ZNF292: variants seen among roughly 807,000 people sequenced by gnomAD.
ZNF292 encodes 16 zinc-finger domain protein.
Under a neutral mutation model 217.9 loss-of-function variants are expected in ZNF292, and 26 were observed. The observed-to-expected ratio is 0.12, with a 90% CI of 0.09 to 0.17. ZNF292 has a LOEUF of 0.17. ZNF292 is among the 10% of genes least tolerant of loss of function. The probability of loss-of-function intolerance (pLI) is 1.00; values close to 1 mark genes in which losing one functional copy is unlikely to be tolerated. For missense variants in ZNF292, 2,904 were observed against 3,175.2 expected (o/e 0.91, Z 2.05); for synonymous variants, 1,257 against 1,124.1 (o/e 1.12, Z -2.37).
intron 5 of ZNF292, among the ~76,000 whole-genome samples, chr6:87,240,493 G>C (rs1186168275): frequency 6.6e-6 from 1 of 152,150 alleles, no homozygotes; most frequent in African/African-American, 2.4e-5. Flanking sequence ...CACCATCTCA[G>C]CTCGCTGCAA....
At chr6:87,250,023 TA>T (rs60486090) in intron 7 of ZNF292, among the ~76,000 whole-genome samples, 36 of 99,228 alleles carry the variant, frequency 3.6e-4, no homozygotes, top group Middle Eastern at 0.011. Context: ...TGGTAACCCT[TA>T]AAAAAAAAAA....
chr6:87,196,936 AT>A (rs1771967476), intron 1 of ZNF292, among the ~76,000 whole-genome samples: 3 of 152,246 alleles, frequency 2.0e-5, no homozygotes, highest in Non-Finnish European at 4.4e-5. Context: ...CCAGAAAATT[AT>A]TTCTAAAACT....
chr6:87,240,647 C>G (rs1774230455), intron 5 of ZNF292, among the ~76,000 whole-genome samples: 1 of 152,188 alleles, frequency 6.6e-6, no homozygotes, highest in African/African-American at 2.4e-5. Flanking sequence ...TCTCGAACTC[C>G]TGACCTCACG....
chr6:87,238,418 G>A (rs960741866), intron 5 of ZNF292, among the ~76,000 whole-genome samples: 10 of 151,632 alleles, frequency 6.6e-5, no homozygotes, highest in Non-Finnish European at 1.3e-4. Flanking sequence ...CCTGGGAGGT[G>A]GAGGTTGCGG....
In ZNF292 at chr6:87,190,763, A is replaced by C. The variant is rs144332203; in HGVS notation, c.169-25140A>C. Among the ~76,000 whole-genome samples the C allele has an allele frequency of 9.6e-4, 146 of 152,310 alleles. 2 individuals carry two copies. Among genetic ancestry groups the C allele is most frequent in the African/African-American group, 3.4e-3 (141 of 41,576 alleles). On this transcript the variant is annotated intron_variant, in intron 1 of 7. Transcript: ENST00000369577. ...TATGTATTTTCAAGAAGACTGGAGA[A>C]AAATTTCTCCAAAGGAACATTTAAA...
At chr6:87,171,542 T>A (rs773866724) in intron 1 of ZNF292, among the ~76,000 whole-genome samples, 48 of 152,176 alleles carry the variant, frequency 3.2e-4, no homozygotes, top group Non-Finnish European at 1.3e-4. Flanking sequence ...TTGTTAGCTA[T>A]TAATACTTTT....
At chr6:87,156,322 G>A (rs1021255643) in intron 1 of ZNF292, among the ~76,000 whole-genome samples, 1 of 152,198 alleles carries the variant, frequency 6.6e-6, no homozygotes, top group African/African-American at 2.4e-5. Flanking sequence ...GTTCGGAGGA[G>A]CAGTCCCCGC....
intron 1 of ZNF292, among the ~76,000 whole-genome samples, chr6:87,189,355 C>T (rs937711121): frequency 3.3e-5 from 5 of 151,932 alleles, no homozygotes; most frequent in Non-Finnish European, 4.4e-5. Flanking sequence ...ATCTTATATT[C>T]ACATAGTATG....
At chr6:87,175,091 T>C (rs909032349) in intron 1 of ZNF292, among the ~76,000 whole-genome samples, 4 of 152,222 alleles carry the variant, frequency 2.6e-5, no homozygotes, top group African/African-American at 9.6e-5. Context: ...TCATCACTTC[T>C]GTCTTTTAGC....
chr6:87,216,488 T>G (rs1562147410), intron 3 of ZNF292, 111 bp downstream of exon 3: 1 of 736,006 alleles, frequency 1.4e-6, no homozygotes, highest in Non-Finnish European at 2.2e-6. Flanking sequence ...TGACAGACAT[T>G]AATTACTGAT....
At chr6:87,179,148 A>T (rs1771388850) in intron 1 of ZNF292, among the ~76,000 whole-genome samples, 3 of 136,312 alleles carry the variant, frequency 2.2e-5, no homozygotes, top group African/African-American at 5.6e-5. Context: ...TGTATTTGTG[A>T]TATATGTGGC....
chr6:87,193,034 C>T (rs1052309966), intron 1 of ZNF292, among the ~76,000 whole-genome samples: 5 of 152,176 alleles, frequency 3.3e-5, no homozygotes, highest in African/African-American at 1.2e-4. Flanking sequence ...TTCCTGTTGT[C>T]CCAGCTGGAG....
intron 1 of ZNF292, among the ~76,000 whole-genome samples, chr6:87,172,768 G>T (rs978589089): frequency 1.3e-5 from 2 of 151,772 alleles, no homozygotes; most frequent in Non-Finnish European, 2.9e-5. Context: ...TTAGCTGGGC[G>T]TGGTGGTGCA....
At chr6:87,187,734 AG>A (rs1477702499) in intron 1 of ZNF292, among the ~76,000 whole-genome samples, 3 of 150,338 alleles carry the variant, frequency 2.0e-5, no homozygotes, top group Non-Finnish European at 4.4e-5. Flanking sequence ...AAAAAAAAAA[AG>A]TTTGATATTT....
In ZNF292 at chr6:87,196,040, A is replaced by C. The variant is rs7765039; in HGVS notation, c.169-19863A>C. Among the ~76,000 whole-genome samples, 893 of 151,836 alleles carry C rather than the reference A, an allele frequency of 5.9e-3. 6 individuals are homozygous for C. Among genetic ancestry groups the C allele is most frequent in the African/African-American group, 0.02 (842 of 41,404 alleles). On this transcript the variant is annotated intron_variant, in intron 1 of 7. Transcript: ENST00000369577. ...GAGACTCCGTCTCAAAAAAAAAAAA[A>C]CAAAAAGAAAAAAAAATTGAGAATT...
At chr6:87,222,661 T>A (rs1773142092) in intron 4 of ZNF292, 1 of 341,878 alleles carries the variant, frequency 2.9e-6, no homozygotes, top group South Asian at 2.4e-5. Context: ...TACATTAGTT[T>A]GGTACATTTG....
rs777978112 is a variant in ZNF292, at chr6:87,155,629, G to A, written c.38G>A (p.Cys13Tyr). The change falls in exon 1 of 8, where the codon TGC becomes TAC. Residue 13 changes from cysteine (C) to tyrosine (Y), a missense_variant. Coordinates refer to ENST00000369577, the MANE Select transcript of ZNF292 (RefSeq NM_015021.3). ...GAGGCCGAGCAGGAGAGGTTGAGTT[G>A]CGGCGAAGGCGGCTGCGTCGCGGAG... is the stretch of plus-strand genomic sequence containing the variant. ...DEEAEQERLS[C>Y]GEGGCVAELQ... 6.3e-6 allele frequency: 10 copies of A among 1,581,728 alleles called. No homozygotes were observed. Among genetic ancestry groups the A allele is most frequent in the Non-Finnish European group, 7.7e-6 (9 of 1,165,256 alleles).
intron 1 of ZNF292, chr6:87,170,343 C>T (rs1037865884): frequency 6.6e-6 from 1 of 151,954 alleles, no homozygotes; most frequent in African/African-American, 2.4e-5. Context: ...ATGACATTGT[C>T]AATAAAATTT....
At chr6:87,216,086 G>T in intron 2 of ZNF292, 29 bp downstream of exon 2, 1 of 1,500,896 alleles carries the variant, frequency 6.7e-7, no homozygotes, top group African/African-American at 1.4e-5. Context: ...AAATAAACTA[G>T]ATTTAGCTTT....
Sources: gnomAD v4.1 joint callset for allele counts (sites outside exome capture counted in the v4.1 genomes callset) on GRCh38, gnomAD v4.1.1 for gene constraint, MANE v1.5 for transcripts, NCBI Gene and HGNC (gene_info 2026-07-23, HGNC 2026-07-21) for gene names.